TGFA: variants seen among roughly 807,000 people sequenced by gnomAD.
The protein encoded by TGFA is transforming growth factor alpha.
A neutral mutation model predicts 21.7 loss-of-function variants in TGFA; 12 were observed. The ratio of observed to expected loss-of-function variants is 0.55; its 90% CI spans 0.35 to 0.90. TGFA has a LOEUF of 0.90. Ranked by LOEUF, TGFA falls within the 40% of genes least tolerant of loss-of-function variation. The pLI, the probability that TGFA is intolerant of heterozygous loss-of-function variation, is 0.01. For synonymous variants in TGFA, 79 were observed against 88.1 expected (o/e 0.90, Z 0.58); for missense variants, 178 against 210.8 (o/e 0.84, Z 0.96).
intron 2 of TGFA, among the ~76,000 whole-genome samples, chr2:70,486,956 G>T (rs1671287766): frequency 1.3e-5 from 2 of 152,082 alleles, no homozygotes. Flanking sequence ...TAGAGATGGG[G>T]TTTCACTGTG....
intron 2 of TGFA, chr2:70,467,405 A>G (rs2103704138): frequency 6.6e-6 from 1 of 152,280 alleles, no homozygotes; most frequent in African/African-American, 2.4e-5. Flanking sequence ...AGGGTTTTCC[A>G]TCCCTGGCTT....
intron 2 of TGFA, among the ~76,000 whole-genome samples, chr2:70,505,892 C>T (rs1453328296): frequency 6.6e-6 from 1 of 152,170 alleles, no homozygotes; most frequent in Non-Finnish European, 1.5e-5. Flanking sequence ...CCGTAACTTT[C>T]AAGACAGGAA....
At chr2:70,513,515 A>C (rs781923030) in intron 2 of TGFA, among the ~76,000 whole-genome samples, 4 of 152,172 alleles carry the variant, frequency 2.6e-5, no homozygotes, top group Non-Finnish European at 4.4e-5. Context: ...AGCCCCAACA[A>C]AGCACGACAC....
chr2:70,553,042 T>C, intron 1 of TGFA: 2 of 929,298 alleles, frequency 2.2e-6, no homozygotes, highest in Non-Finnish European at 3.2e-6. Context: ...CCATCCCTCC[T>C]TCATTTCCAA....
chr2:70,511,670 A>T (rs1260775959), intron 2 of TGFA, among the ~76,000 whole-genome samples: 1 of 152,190 alleles, frequency 6.6e-6, no homozygotes, highest in Non-Finnish European at 1.5e-5. Context: ...ACGTATACGC[A>T]TTGAAGTGTT....
chr2:70,488,064 AT>A (rs1288367634), intron 2 of TGFA, among the ~76,000 whole-genome samples: 2 of 151,990 alleles, frequency 1.3e-5, no homozygotes, highest in Non-Finnish European at 2.9e-5. Flanking sequence ...CTTGATGTAG[AT>A]TTTTTTCATA....
chr2:70,541,439 C>T (rs902296503), intron 1 of TGFA, among the ~76,000 whole-genome samples: 5 of 152,110 alleles, frequency 3.3e-5, no homozygotes, highest in Admixed American at 2.0e-4. Flanking sequence ...TGGTAGGACA[C>T]CTGGCAGTTA....
chr2:70,462,815 G>A (rs782177048), intron 3 of TGFA, among the ~76,000 whole-genome samples: 3 of 152,100 alleles, frequency 2.0e-5, no homozygotes, highest in African/African-American at 2.4e-5. Context: ...TTGCATGGCC[G>A]TGCCTCCCCC....
At chr2:70,527,912 A>G (rs994794162) in intron 1 of TGFA, among the ~76,000 whole-genome samples, 4 of 152,238 alleles carry the variant, frequency 2.6e-5, no homozygotes, top group Admixed American at 6.5e-5. Context: ...TAAGGAAGCC[A>G]TGGCAGGGGC....
rs986497630 is a variant in TGFA at position 70,449,464 on chromosome 2, C to G, written c.*1395G>C. 6.3e-6 allele frequency: 1 copy of G among 159,224 alleles called. No homozygotes were observed. Among genetic ancestry groups the G allele is most frequent in the Non-Finnish European group, 1.4e-5 (1 of 70,922 alleles). The allele number at this position is 159,224 out of a possible 1,614,324, so 9.9% of individuals were successfully genotyped here. On this transcript the variant is annotated 3_prime_UTR_variant, in exon 6 of 6. Coordinates refer to ENST00000295400, the MANE Select transcript of TGFA (RefSeq NM_003236.4). ...AAAATTCCTAGGGATGAGCTATCCA[C>G]TATGTATTTGAAGGGACCCACTGTT... is the stretch of plus-strand genomic sequence containing the variant.
rs978371120 is a variant in TGFA, at chr2:70,551,428, C to A, written c.40+2300G>T. Among the ~76,000 whole-genome samples, 27 of 152,214 alleles carry A rather than the reference C, an allele frequency of 1.8e-4. 1 individual carries two copies. The highest frequency in any genetic ancestry group is 2.9e-5 in the Non-Finnish European group (2 of 68,042). On this transcript the variant is annotated intron_variant, in intron 1 of 5. Coordinates refer to ENST00000295400, the MANE Select transcript of TGFA (RefSeq NM_003236.4). The stretch of plus-strand genomic sequence containing the variant: ...AATGCTCAGGTTCCAAGTAATCAAA[C>A]ATTAACCGAGACTCCTAACAGCCAG...
Position 70,449,010 on chromosome 2 carries a change from A to G in TGFA, c.*1849T>C, listed in dbSNP as rs1412059252. On this transcript the variant is annotated 3_prime_UTR_variant, in exon 6 of 6. Coordinates refer to ENST00000295400, the MANE Select transcript of TGFA (RefSeq NM_003236.4). ...GGATGCTACAGTCAAGCCTCAACCC[A>G]CATATCTGGCCCAAGGGATGTAAAC... is the stretch of plus-strand genomic sequence containing the variant. The G allele has an allele frequency of 1.3e-5, 2 of 151,984 alleles. No individual in the cohort carries two copies. The highest frequency in any genetic ancestry group is 3.9e-4 in the East Asian group (2 of 5,192). The allele number at this position is 151,984 out of a possible 1,614,324, so 9.4% of individuals were successfully genotyped here.
intron 3 of TGFA, 152 bp from the exon 4 acceptor site, chr2:70,456,640 C>T: frequency 2.2e-6 from 2 of 893,540 alleles, no homozygotes; most frequent in Non-Finnish European, 1.7e-6. Flanking sequence ...AAGGTGTCAG[C>T]AAAATGCCTG....
At position 70,484,235 on chromosome 2, in the gene TGFA, A is replaced by C. The variant is rs541841246; in HGVS notation, c.95-18499T>G. On this transcript the variant is annotated intron_variant, in intron 2 of 5. Coordinates refer to ENST00000295400, the MANE Select transcript of TGFA (RefSeq NM_003236.4). ...ATCTTCTGAGTAATACATAACCAAC[A>C]AGTATGTAAAGAATTCTTCAGGTGT... Among the ~76,000 whole-genome samples the C allele has an allele frequency of 1.4e-4, 22 of 152,342 alleles. No homozygotes were observed. The South Asian group carries it at 1.5e-3, about 10-fold the overall frequency.
At chr2:70,514,378 T>C (rs1298756995) in intron 2 of TGFA, among the ~76,000 whole-genome samples, 2 of 151,760 alleles carry the variant, frequency 1.3e-5, no homozygotes, top group East Asian at 1.9e-4. Context: ...AGCTCTCCAC[T>C]ATTTTGATTT....
intron 2 of TGFA, among the ~76,000 whole-genome samples, chr2:70,495,273 A>G (rs933390184): frequency 1.6e-4 from 24 of 152,240 alleles, no homozygotes; most frequent in Middle Eastern, 3.2e-3. Flanking sequence ...ATGCTGGCTC[A>G]TGAATGTGTC....
At chr2:70,508,703 TCTAAA>T (rs1209669522) in intron 2 of TGFA, among the ~76,000 whole-genome samples, 10 of 152,354 alleles carry the variant, frequency 6.6e-5, no homozygotes, top group East Asian at 5.8e-4. Context: ...TCTGAAATTC[TCTAAA>T]CTATTCAATT....
chr2:70,452,477 TTA>T (rs1670087899), intron 5 of TGFA, among the ~76,000 whole-genome samples: 1 of 127,362 alleles, frequency 7.9e-6, no homozygotes, highest in African/African-American at 2.7e-5. Context: ...TTTAAGGTCA[TTA>T]GAGACCTTTC....
chr2:70,454,379 T>A (rs1223048171), intron 4 of TGFA, among the ~76,000 whole-genome samples: 2 of 152,250 alleles, frequency 1.3e-5, no homozygotes, highest in African/African-American at 4.8e-5. Flanking sequence ...GAGACCTTCC[T>A]GCCCAAGCTG....
Sources: gnomAD v4.1 joint callset for allele counts (sites outside exome capture counted in the v4.1 genomes callset) on GRCh38, gnomAD v4.1.1 for gene constraint, MANE v1.5 for transcripts, NCBI Gene and HGNC (gene_info 2026-07-23, HGNC 2026-07-21) for gene names.